CLVS1: variants seen among roughly 807,000 people sequenced by gnomAD.
CLVS1 encodes the protein clavesin-1.
A neutral mutation model predicts 33.1 loss-of-function variants in CLVS1; 10 were observed. The observed-to-expected ratio is 0.30, with a 90% confidence interval of 0.19 to 0.51. The LOEUF (loss-of-function observed/expected upper bound fraction) is 0.51. Among genes scored for constraint, CLVS1 ranks in the 20% least tolerant of loss-of-function variants. The pLI, the probability that CLVS1 is intolerant of heterozygous loss-of-function variation, is 0.97. For missense variants in CLVS1, 343 were observed against 433.4 expected, an observed-to-expected ratio of 0.79 and a Z score of 1.85; for synonymous variants, 163 against 166.1, an observed-to-expected ratio of 0.98 and a Z score of 0.14.
chr8:61,166,552 T>G (rs1433124382), intron 2 of CLVS1, among the ~76,000 whole-genome samples: 3 of 152,152 alleles, frequency 2.0e-5, no homozygotes, highest in African/African-American at 7.2e-5. Flanking sequence ...AAAGCTTTTT[T>G]TTTTGTTTCA....
At chr8:61,371,790 G>A (rs1020288775) in intron 2 of CLVS1, among the ~76,000 whole-genome samples, 10 of 152,102 alleles carry the variant, frequency 6.6e-5, no homozygotes, top group African/African-American at 1.2e-4. Flanking sequence ...TGCTTAACTC[G>A]TATATACAAC....
chr8:61,332,762 C>T (rs554119165), intron 2 of CLVS1, among the ~76,000 whole-genome samples: 3 of 152,186 alleles, frequency 2.0e-5, no homozygotes, highest in East Asian at 3.9e-4. Flanking sequence ...CTCAGCCTCC[C>T]GAGTGAGTAA....
chr8:61,135,982 G>A (rs1806185465), intron 2 of CLVS1, among the ~76,000 whole-genome samples: 1 of 152,246 alleles, frequency 6.6e-6, no homozygotes, highest in Non-Finnish European at 1.5e-5. Flanking sequence ...CGCTCTGGAA[G>A]CATGGACCTG....
At chr8:61,286,162 A>G (rs1211464745), upstream of CLVS1, among the ~76,000 whole-genome samples, 1 of 152,076 alleles carries the variant, frequency 6.6e-6, no homozygotes, top group Non-Finnish European at 1.5e-5. Flanking sequence ...GAAATTTGAA[A>G]TGAAGAGGGG....
At chr8:61,021,798 T>C in the CLVS1 span, among the ~76,000 whole-genome samples, 1 of 152,106 alleles carries the variant, frequency 6.6e-6, no homozygotes, top group Admixed American at 6.6e-5. Flanking sequence ...TGATACTGAG[T>C]TTTGAGTTAT....
intron 2 of CLVS1, among the ~76,000 whole-genome samples, chr8:61,302,381 A>G (rs1230403858): frequency 3.3e-5 from 5 of 152,176 alleles, no homozygotes; most frequent in Non-Finnish European, 7.3e-5. Context: ...CTTATGATTC[A>G]TTCATCTTTA....
chr8:61,186,506 G>A (rs1396889688), intron 2 of CLVS1, among the ~76,000 whole-genome samples: 2 of 152,190 alleles, frequency 1.3e-5, no homozygotes, highest in Non-Finnish European at 2.9e-5. Flanking sequence ...AGGGAAGAAA[G>A]TGACAGATAA....
chr8:61,035,556 AT>A, the CLVS1 span, among the ~76,000 whole-genome samples: 1 of 152,230 alleles, frequency 6.6e-6, no homozygotes, highest in East Asian at 1.9e-4. Flanking sequence ...GCTGGTCTGC[AT>A]TGTCCGGGCA....
chr8:61,416,288 AG>A (rs1458883700), intron 3 of CLVS1, among the ~76,000 whole-genome samples: 1 of 141,438 alleles, frequency 7.1e-6, no homozygotes, highest in Non-Finnish European at 1.5e-5. Context: ...CAAGATAGCT[AG>A]CTAGCTAGCT....
At chr8:61,371,170 A>G (rs1813424766) in intron 2 of CLVS1, among the ~76,000 whole-genome samples, 2 of 151,996 alleles carry the variant, frequency 1.3e-5, no homozygotes, top group South Asian at 4.1e-4. Context: ...TATTTTTTTG[A>G]TTATGGCCAT....
At chr8:61,314,548 TGAG>T in intron 2 of CLVS1, among the ~76,000 whole-genome samples, 1 of 152,274 alleles carries the variant, frequency 6.6e-6, no homozygotes, top group Admixed American at 6.5e-5. Context: ...AAAATAAAAA[TGAG>T]GAAGCTAACC....
chr8:61,439,867 T>A (rs578135748), intron 3 of CLVS1, among the ~76,000 whole-genome samples: 2 of 152,308 alleles, frequency 1.3e-5, no homozygotes, highest in East Asian at 3.9e-4. Context: ...CTAAGAAACA[T>A]GTAGGGACCA....
intron 3 of CLVS1, among the ~76,000 whole-genome samples, chr8:61,382,885 T>G (rs1391531229): frequency 6.6e-6 from 1 of 152,178 alleles, no homozygotes; most frequent in Non-Finnish European, 1.5e-5. Context: ...GGGTCTCGGT[T>G]TCCTCATTTG....
At chr8:61,217,419 CA>C (rs1239580014) in intron 2 of CLVS1, among the ~76,000 whole-genome samples, 1 of 152,108 alleles carries the variant, frequency 6.6e-6, no homozygotes, top group African/African-American at 2.4e-5. Context: ...TCTAAAATGT[CA>C]ATGCTATGGA....
At chr8:61,081,777 A>G (rs187608698) in intron 1 of CLVS1, among the ~76,000 whole-genome samples, 6 of 152,250 alleles carry the variant, frequency 3.9e-5, no homozygotes, top group Non-Finnish European at 7.4e-5. Context: ...AGGACAAACC[A>G]TTTTTTCCCA....
At chr8:61,339,817 G>A (rs1811952066) in intron 2 of CLVS1, among the ~76,000 whole-genome samples, 2 of 142,410 alleles carry the variant, frequency 1.4e-5, no homozygotes, top group African/African-American at 5.2e-5. Context: ...AGGAAAGGAG[G>A]GAAAGAAAGA....
At chr8:61,268,793 T>C in intron 2 of CLVS1, among the ~76,000 whole-genome samples, 1 of 92,072 alleles carries the variant, frequency 1.1e-5, no homozygotes, top group Admixed American at 1.3e-4. Context: ...TTTCATGTGT[T>C]TTTTGGCTGC....
At chr8:61,228,428 G>A (rs1321681015) in intron 2 of CLVS1, among the ~76,000 whole-genome samples, 1 of 152,164 alleles carries the variant, frequency 6.6e-6, no homozygotes, top group Non-Finnish European at 1.5e-5. Flanking sequence ...AGCTGAATAT[G>A]TAAGTTGAAA....
chr8:61,486,174 A>G (rs1260236956), intron 5 of CLVS1, among the ~76,000 whole-genome samples: 1 of 152,144 alleles, frequency 6.6e-6, no homozygotes, highest in Non-Finnish European at 1.5e-5. Flanking sequence ...AGGGAATGGG[A>G]ACAAGAACAC....
Sources: allele counts gnomAD v4.1 joint callset (sites outside exome capture counted in the v4.1 genomes callset), GRCh38; gene constraint gnomAD v4.1.1; transcripts MANE v1.5; gene names NCBI Gene and HGNC (gene_info 2026-07-23, HGNC 2026-07-21).